HDHD5: variants seen among roughly 807,000 people sequenced by gnomAD.
HDHD5 encodes haloacid dehalogenase like hydrolase domain containing 5.
Under a neutral mutation model 35.5 loss-of-function variants are expected in HDHD5, and 34 were observed. That is an observed-to-expected ratio of 0.96 (90% confidence interval 0.73 to 1.28). The LOEUF (loss-of-function observed/expected upper bound fraction) is 1.28, where lower values mean the gene tolerates loss of function less well. Among genes scored for constraint, HDHD5 ranks in the 50% most tolerant of loss-of-function variants. HDHD5 has a pLI of 0.00. For synonymous variants in HDHD5, 248 were observed against 240.6 expected (o/e 1.03, Z -0.29); for missense variants, 589 against 560.2 (o/e 1.05, Z -0.52).
intron 6 of HDHD5, among the ~76,000 whole-genome samples, chr22:17,138,948 C>T (rs541420924): frequency 2.7e-4 from 41 of 152,292 alleles, no homozygotes; most frequent in Middle Eastern, 6.8e-3. Context: ...ATTTGTAAAA[C>T]GAGGAAACCA....
At chr22:17,162,495 A>C (rs1359052096), upstream of HDHD5, among the ~76,000 whole-genome samples, 1 of 152,210 alleles carries the variant, frequency 6.6e-6, no homozygotes, top group Non-Finnish European at 1.5e-5. Flanking sequence ...GAATGCCATA[A>C]GACCATTCCA....
At chr22:17,163,262 C>A (rs78183769), upstream of HDHD5, among the ~76,000 whole-genome samples, 1,828 of 152,242 alleles carry the variant, frequency 0.012, 18 homozygotes, top group East Asian at 0.057. Context: ...GAATTTGTAG[C>A]CTTCTATGCG....
chr22:17,141,284 C>T, intron 5 of HDHD5, 51 bp from the exon 6 acceptor site: 13 of 1,541,392 alleles, frequency 8.4e-6, no homozygotes, highest in Non-Finnish European at 1.0e-5. Context: ...TGGCAGGCGG[C>T]AGGCCCTCAG....
intron 4 of HDHD5, 178 bp from the exon 5 acceptor site, chr22:17,143,309 G>A (rs1472875959): frequency 7.1e-5 from 42 of 592,974 alleles, no homozygotes; most frequent in South Asian, 1.0e-4. Flanking sequence ...CAAGAAAGGC[G>A]AAAAGACAAT....
chr22:17,143,446 A>C (rs939552794), intron 4 of HDHD5: 7 of 279,526 alleles, frequency 2.5e-5, no homozygotes, highest in Non-Finnish European at 4.7e-5. Flanking sequence ...AAAATCAGGC[A>C]GCTAAGGTGA....
chr22:17,148,559 A>ACC lies in HDHD5; in HGVS notation c.331-1_331dup (p.Val111GlyfsTer14). The ACC allele has an allele frequency of 6.2e-7, 1 of 1,611,192 alleles. No individual in the cohort carries two copies. The highest frequency in any genetic ancestry group is 8.5e-7 in the Non-Finnish European group (1 of 1,177,430). On this transcript the variant is annotated frameshift_variant and splice_region_variant, in exon 3 of 8. Coordinates refer to ENST00000336737, the MANE Select transcript of HDHD5 (RefSeq NM_033070.3). LOFTEE classifies it high-confidence loss of function. ...AGAGAGGATAACTTGGTCTGCATCC[A>ACC]CCTGTAGGGACAGCCAAGACAGGGG...
intron 4 of HDHD5, among the ~76,000 whole-genome samples, 181 bp downstream of exon 4, chr22:17,144,843 A>C (rs1314543347): frequency 6.6e-6 from 1 of 152,046 alleles, no homozygotes; most frequent in East Asian, 1.9e-4. Flanking sequence ...AAGCCACCGC[A>C]GCCAGCCTCT....
chr22:17,143,000 G>A (rs2061615946), intron 5 of HDHD5, 98 bp downstream of exon 5: 15 of 1,381,208 alleles, frequency 1.1e-5, no homozygotes, highest in Non-Finnish European at 1.4e-5. Context: ...GCCCCTTGCT[G>A]CTGAACCAGG....
chr22:17,159,237 G>A lies in HDHD5; in HGVS notation c.15C>T (p.Gly5=), dbSNP rs553605591. The change falls in exon 1 of 8, where the codon GGC becomes GGT. Residue 5 remains glycine (G), a synonymous_variant. Coordinates refer to ENST00000336737, the MANE Select transcript of HDHD5 (RefSeq NM_033070.3). ...GCGCCGCGCCGAGCGCAGCCACACA[G>A]CCCCACGCAGCCATCCGGCCGTCGC... MAAW[G]CVAALGAARG... 45 of 1,215,982 alleles carry A rather than the reference G, an allele frequency of 3.7e-5. No individual in the cohort carries two copies. The African/African-American group carries it at 6.4e-4, about 17-fold the overall frequency. 75.3% of individuals were successfully genotyped at this position (1,215,982 alleles called of 1,614,324 possible). A position where few individuals can be genotyped will look rare whatever the true frequency, so the allele number is the denominator to read the frequency against.
intron 1 of HDHD5, among the ~76,000 whole-genome samples, chr22:17,164,603 C>T (rs939836079): frequency 7.9e-5 from 12 of 152,130 alleles, no homozygotes; most frequent in African/African-American, 2.4e-4. Flanking sequence ...ACATTCCAGC[C>T]ACCAGGAAAG....
Position 17,138,155 on chromosome 22 carries a change from C to A in HDHD5, c.1138G>T (p.Gly380Ter), listed in dbSNP as rs1234328348. ...TGCCCGTGGAATGGAGGCTCCCCTC[C>A]TCCAAGGACAGGCTCCGTGGACTGT... ...NPQSTEPVLG[G>*]GEPPFHGHRD... Residue 380 changes from glycine to a stop codon, truncating the protein, a stop_gained, in exon 8 of 8, where the codon GGA (glycine) becomes TGA (stop). Coordinates refer to ENST00000336737, the MANE Select transcript of HDHD5 (RefSeq NM_033070.3). LOFTEE classifies it high-confidence loss of function. 1 of 1,614,206 alleles carries A rather than the reference C, an allele frequency of 6.2e-7. No individual in the cohort carries two copies. The highest frequency in any genetic ancestry group is 1.7e-5 in the Admixed American group (1 of 60,028).
At chr22:17,147,974 A>G (rs115622564) in intron 3 of HDHD5, among the ~76,000 whole-genome samples, 2,221 of 152,342 alleles carry the variant, frequency 0.015, 50 homozygotes, top group African/African-American at 0.05. Flanking sequence ...TCAGCACAAC[A>G]GTTGCTTAAA....
intron 1 of HDHD5, among the ~76,000 whole-genome samples, chr22:17,155,340 G>T (rs1211046585): frequency 6.6e-6 from 1 of 151,390 alleles, no homozygotes; most frequent in Non-Finnish European, 1.5e-5. Flanking sequence ...CTGCCTCCTG[G>T]GTTCAAGTGA....
At chr22:17,159,522 C>G (rs2061846273), upstream of HDHD5, 1 of 453,912 alleles carries the variant, frequency 2.2e-6, no homozygotes, top group Non-Finnish European at 4.3e-6. Context: ...CGGCGGCGTC[C>G]GTACTATCGC....
At chr22:17,149,822 C>T in intron 1 of HDHD5, 77 bp from the exon 2 acceptor site, 1 of 1,289,142 alleles carries the variant, frequency 7.8e-7, no homozygotes, top group Non-Finnish European at 1.1e-6. Flanking sequence ...TCAACACCAT[C>T]CTCGGGTCAC....
chr22:17,162,076 T>C (rs1033884493), upstream of HDHD5, among the ~76,000 whole-genome samples: 1 of 152,106 alleles, frequency 6.6e-6, no homozygotes, highest in Non-Finnish European at 1.5e-5. Context: ...GCTAGACGCA[T>C]AGTAGAGTTG....
intron 1 of HDHD5, among the ~76,000 whole-genome samples, chr22:17,152,523 G>A (rs1320627312): frequency 1.3e-5 from 2 of 152,134 alleles, no homozygotes; most frequent in Non-Finnish European, 2.9e-5. Flanking sequence ...CTGAACCAAA[G>A]GGCACAGTAG....
chr22:17,162,939 T>C (rs1178348389), upstream of HDHD5, among the ~76,000 whole-genome samples: 2 of 152,238 alleles, frequency 1.3e-5, no homozygotes, highest in African/African-American at 2.4e-5. Context: ...ACCCCTGCCC[T>C]GCTGTTGCTT....
chr22:17,164,476 T>C (rs1158878987), intron 1 of HDHD5, among the ~76,000 whole-genome samples: 1 of 152,222 alleles, frequency 6.6e-6, no homozygotes, highest in African/African-American at 2.4e-5. Flanking sequence ...GCCTTGGTAT[T>C]GTGGTTCCAC....
Sources: gnomAD v4.1 joint callset for allele counts (sites outside exome capture counted in the v4.1 genomes callset) on GRCh38, gnomAD v4.1.1 for gene constraint, MANE v1.5 for transcripts, NCBI Gene and HGNC (gene_info 2026-07-23, HGNC 2026-07-21) for gene names.